The following FBXL17 variants were observed in gnomAD, a reference collection of about 807,000 sequenced individuals.
The protein encoded by FBXL17 is F-box and leucine rich repeat protein 17, also known as F-box/LRR-repeat protein 17.
Under a neutral mutation model 66.2 loss-of-function variants are expected in FBXL17, and 22 were observed. The observed-to-expected ratio is 0.33, with a 90% CI of 0.24 to 0.47. The LOEUF is 0.47. Ranked by LOEUF, FBXL17 falls within the 20% of genes least tolerant of loss-of-function variation. The probability of loss-of-function intolerance (pLI) is 1.00; values close to 1 mark genes in which losing one functional copy is unlikely to be tolerated. For synonymous variants in FBXL17, 474 were observed against 400.5 expected, an observed-to-expected ratio of 1.18 and a Z score of -2.19; for missense variants, 878 against 948.2, an observed-to-expected ratio of 0.93 and a Z score of 0.97.
chr5:107,863,102 T>C (rs926421451), intron 8 of FBXL17, among the ~76,000 whole-genome samples: 2 of 151,462 alleles, frequency 1.3e-5, no homozygotes, highest in African/African-American at 4.8e-5. Context: ...GATAAAGCTA[T>C]GATTTATAAC....
intron 3 of FBXL17, among the ~76,000 whole-genome samples, chr5:108,360,620 G>GT (rs1377072316): frequency 1.3e-5 from 2 of 151,924 alleles, no homozygotes; most frequent in African/African-American, 2.4e-5. Flanking sequence ...GTATAGATGC[G>GT]TATCTTCCAC....
At chr5:108,173,837 G>A (rs1167542650) in intron 6 of FBXL17, among the ~76,000 whole-genome samples, 1 of 152,162 alleles carries the variant, frequency 6.6e-6, no homozygotes, top group Non-Finnish European at 1.5e-5. Context: ...TTTCAGCTGA[G>A]GATGTGCTAC....
intron 7 of FBXL17, among the ~76,000 whole-genome samples, chr5:107,902,664 T>G (rs920577946): frequency 6.6e-6 from 1 of 152,208 alleles, no homozygotes. Flanking sequence ...CTGAAGATGA[T>G]GTACTCTTGG....
At chr5:108,292,721 T>C (rs963860314) in intron 4 of FBXL17, among the ~76,000 whole-genome samples, 2 of 152,218 alleles carry the variant, frequency 1.3e-5, no homozygotes, top group African/African-American at 4.8e-5. Context: ...TAATTCTCCA[T>C]TAATGTCTTT....
At chr5:108,109,063 G>A (rs1364137566) in intron 6 of FBXL17, among the ~76,000 whole-genome samples, 12 of 151,970 alleles carry the variant, frequency 7.9e-5, no homozygotes, top group African/African-American at 1.7e-4. Flanking sequence ...GATTACAGGC[G>A]TGAGCCACTG....
chr5:108,240,354 G>C, intron 4 of FBXL17, among the ~76,000 whole-genome samples: 1 of 152,066 alleles, frequency 6.6e-6, no homozygotes, highest in East Asian at 1.9e-4. Context: ...TCCTAGGCCT[G>C]GCAGCACTCA....
intron 7 of FBXL17, among the ~76,000 whole-genome samples, chr5:107,996,203 T>C (rs1561358598): frequency 6.6e-6 from 1 of 152,204 alleles, no homozygotes; most frequent in East Asian, 1.9e-4. Context: ...GTCCAAATCC[T>C]CCCTTCCTTT....
At chr5:108,217,932 T>C (rs1272684753) in intron 5 of FBXL17, among the ~76,000 whole-genome samples, 1 of 152,136 alleles carries the variant, frequency 6.6e-6, no homozygotes. Flanking sequence ...TCATCCATGT[T>C]GTTGCAAATG....
intron 5 of FBXL17, among the ~76,000 whole-genome samples, chr5:108,192,815 G>T (rs188583978): frequency 2.0e-4 from 31 of 152,000 alleles, no homozygotes; most frequent in African/African-American, 6.7e-4. Flanking sequence ...GAAAAGAAAA[G>T]ATCAGACCAG....
At chr5:108,056,833 C>T (rs1326334296) in intron 6 of FBXL17, among the ~76,000 whole-genome samples, 3 of 152,194 alleles carry the variant, frequency 2.0e-5, no homozygotes, top group Non-Finnish European at 4.4e-5. Context: ...CTCAAAAATA[C>T]AATTTTAAGA....
At chr5:108,349,802 G>A (rs937764687) in intron 3 of FBXL17, among the ~76,000 whole-genome samples, 14 of 152,078 alleles carry the variant, frequency 9.2e-5, no homozygotes, top group Non-Finnish European at 1.6e-4. Flanking sequence ...GGTTCTAACT[G>A]GCCCATGGAG....
chr5:108,260,392 G>C (rs1443503237), intron 4 of FBXL17, among the ~76,000 whole-genome samples: 1 of 152,022 alleles, frequency 6.6e-6, no homozygotes, highest in African/African-American at 2.4e-5. Context: ...TTACCACACA[G>C]GGTAGCTATA....
At chr5:108,126,083 G>GTT (rs1459006456) in intron 6 of FBXL17, among the ~76,000 whole-genome samples, 17 of 152,084 alleles carry the variant, frequency 1.1e-4, no homozygotes, top group African/African-American at 3.9e-4. Flanking sequence ...ATCATGTGCA[G>GTT]TTATAAGAGG....
intron 3 of FBXL17, among the ~76,000 whole-genome samples, chr5:108,354,775 G>A (rs1186542190): frequency 2.0e-5 from 3 of 149,750 alleles, no homozygotes; most frequent in Non-Finnish European, 3.0e-5. Flanking sequence ...AGAAGCCACA[G>A]GATAAAAACA....
intron 4 of FBXL17, among the ~76,000 whole-genome samples, chr5:108,307,294 T>C (rs1758891923): frequency 6.6e-6 from 1 of 152,110 alleles, no homozygotes; most frequent in African/African-American, 2.4e-5. Flanking sequence ...TGAGTATATG[T>C]AAAATCTTGT....
At chr5:107,868,904 T>C (rs1748361847) in intron 8 of FBXL17, among the ~76,000 whole-genome samples, 1 of 126,002 alleles carries the variant, frequency 7.9e-6, no homozygotes, top group African/African-American at 3.9e-5. Flanking sequence ...ATAAAACAAC[T>C]CATCATTTGT....
chr5:107,861,860 C>A lies in FBXL17; in HGVS notation c.1966G>T (p.Val656Phe). ...AGCTGTTCCACCGTCACTTCGTTGACCTGCAAACAAAGAAGAGTCACCATC... is the reference window on the plus strand; with the variant it reads ...AGCTGTTCCACCGTCACTTCGTTGAACTGCAAACAAAGAAGAGTCACCATC... ...RYLGLMRCDK[V>F]NEVTVEQLVQ... is the part of the protein sequence containing the mutation. The change falls in exon 9 of 9, where the codon GTC becomes TTC. Residue 656 changes from valine to phenylalanine, a missense_variant and splice_region_variant. This residue lies in a region of FBXL17 where 236 missense variants were observed against 389.1 expected (regional missense o/e 0.61). Coordinates refer to ENST00000542267, the MANE Select transcript of FBXL17 (RefSeq NM_001163315.3). The A allele has an allele frequency of 6.6e-7, 1 of 1,517,070 alleles. No individual in the cohort carries two copies. The highest frequency in any genetic ancestry group is 8.9e-7 in the Non-Finnish European group (1 of 1,125,188). 94.0% of individuals were successfully genotyped at this position (1,517,070 alleles called of 1,614,324 possible). A position where few individuals can be genotyped will look rare whatever the true frequency, so the allele number is the denominator to read the frequency against.
intron 5 of FBXL17, among the ~76,000 whole-genome samples, chr5:108,191,428 C>T (rs1317056661): frequency 6.6e-6 from 1 of 152,102 alleles, no homozygotes; most frequent in African/African-American, 2.4e-5. Flanking sequence ...GTACATTTTA[C>T]CACAATAAAA....
intron 4 of FBXL17, among the ~76,000 whole-genome samples, chr5:108,334,841 G>A (rs1760300819): frequency 6.6e-6 from 1 of 152,172 alleles, no homozygotes; most frequent in East Asian, 1.9e-4. Flanking sequence ...CGCTGTCAAA[G>A]AGCACGTTAA....
Sources: gnomAD v4.1 joint callset for allele counts (sites outside exome capture counted in the v4.1 genomes callset) on GRCh38, gnomAD v4.1.1 for gene constraint, gnomAD v4.1.1 regional missense constraint, MANE v1.5 for transcripts, NCBI Gene and HGNC (gene_info 2026-07-23, HGNC 2026-07-21) for gene names.